Variants in SMG1 observed in about 807,000 individuals in gnomAD.
SMG1 encodes SMG1 nonsense mediated mRNA decay associated PI3K related kinase, also known as serine/threonine-protein kinase SMG1.
SMG1 carries 22 observed loss-of-function variants against 419.9 expected under a neutral mutation model. The observed-to-expected ratio is 0.05, with a 90% CI of 0.04 to 0.07. SMG1 has a LOEUF of 0.07. Among genes scored for constraint, SMG1 ranks in the 10% least tolerant of loss-of-function variants. The pLI is 1.00. For synonymous variants in SMG1, 1,538 were observed against 1,553.5 expected (o/e 0.99, Z 0.23); for missense variants, 3,185 against 4,342.0 (o/e 0.73, Z 7.49).
intron 56 of SMG1, among the ~76,000 whole-genome samples, chr16:18,818,705 G>A (rs368465097): frequency 1.8e-4 from 27 of 152,182 alleles, no homozygotes; most frequent in African/African-American, 5.1e-4. Context: ...CAGGTATGAA[G>A]TATGAGTATC....
chr16:18,819,315 C>CA (rs386384402), intron 56 of SMG1, among the ~76,000 whole-genome samples, 187 bp downstream of exon 56: 143 of 74,484 alleles, frequency 1.9e-3, no homozygotes, highest in Non-Finnish European at 3.7e-3. Context: ...GCAGTAAAGG[C>CA]CAAGGAAATA....
chr16:18,857,090 G>A (rs1596532511), intron 29 of SMG1: 1 of 152,180 alleles, frequency 6.6e-6, no homozygotes, highest in African/African-American at 2.4e-5. Flanking sequence ...GCAAACATCA[G>A]GCCAATGATC....
Position 18,915,113 on chromosome 16 carries a change from A to C in SMG1, c.92+10837T>G, listed in dbSNP as rs565137212. ...CAGCCTCCTGAATAGCTGGGACTACAGGTGTGTGCCACCATGCCCAGCTAA... is the reference window on the plus strand; with the variant it reads ...CAGCCTCCTGAATAGCTGGGACTACCGGTGTGTGCCACCATGCCCAGCTAA... On this transcript the variant is annotated intron_variant, in intron 1 of 62. Coordinates refer to ENST00000446231, the MANE Select transcript of SMG1 (RefSeq NM_015092.5). Among the ~76,000 whole-genome samples, 340 of 152,074 alleles carry C rather than the reference A, an allele frequency of 2.2e-3. 2 individuals are homozygous for C. The highest frequency in any genetic ancestry group is 3.1e-3 in the Non-Finnish European group (209 of 67,984).
At chr16:18,924,504 T>C (rs1051787242) in intron 1 of SMG1, among the ~76,000 whole-genome samples, 4 of 152,216 alleles carry the variant, frequency 2.6e-5, no homozygotes, top group African/African-American at 9.6e-5. Context: ...CCACCTAATT[T>C]GTTAGATGCC....
At chr16:18,904,932 C>CA (rs1024401900) in intron 1 of SMG1, among the ~76,000 whole-genome samples, 1 of 151,098 alleles carries the variant, frequency 6.6e-6, no homozygotes, top group Non-Finnish European at 1.5e-5. Flanking sequence ...GACTCCATCT[C>CA]AAAAAACAAT....
At chr16:18,871,292 A>G (rs2035802617) in intron 16 of SMG1, 72 bp downstream of exon 16, 4 of 673,154 alleles carry the variant, frequency 5.9e-6, no homozygotes, top group Admixed American at 3.5e-5. Context: ...ATTCATGACC[A>G]TCTCCCATTA....
chr16:18,817,407 A>T lies in SMG1; in HGVS notation c.9958T>A (p.Leu3320Ile). The T allele has an allele frequency of 1.9e-6, 3 of 1,603,752 alleles. No individual in the cohort carries two copies. The highest frequency in any genetic ancestry group is 2.6e-6 in the Non-Finnish European group (3 of 1,174,558). The change falls in exon 57 of 63, where the codon TTA (leucine) becomes ATA (isoleucine). Residue 3320 changes from leucine to isoleucine, a missense_variant. By Grantham distance (5) the Leu-to-Ile change is conservative (BLOSUM62 2). Transcript: ENST00000446231. ...TCAAATAACGCCGCATCCAGGTTTA[A>T]GGCTTCTGCAGTTCTTGTTCGTAAA... ...ESLRTRTAEALNLDAALFELI... is the reference protein window; with the variant it reads ...ESLRTRTAEAINLDAALFELI...
rs1267694126 is a variant in SMG1 at position 18,923,452 on chromosome 16, T to C, written c.92+2498A>G. 4.6e-5 allele frequency among the ~76,000 whole-genome samples: 7 copies of C among 152,230 alleles called. No homozygotes were observed. In the South Asian group the frequency reaches 8.3e-4, roughly 18 times the overall value. On this transcript the variant is annotated intron_variant, in intron 1 of 62. Transcript: ENST00000446231. The stretch of plus-strand genomic sequence containing the variant: ...CTGAGTCAGGAGTCCAAGAACAGGC[T>C]GGCCAACATGGTGGAATCCCGTCTC...
intron 39 of SMG1, among the ~76,000 whole-genome samples, chr16:18,844,769 T>A (rs916099522): frequency 1.3e-5 from 2 of 152,020 alleles, no homozygotes; most frequent in African/African-American, 4.8e-5. Flanking sequence ...GGAAATCAGT[T>A]AGGAGCAATA....
At chr16:18,910,907 CTGG>C (rs2037767793) in intron 1 of SMG1, among the ~76,000 whole-genome samples, 1 of 152,082 alleles carries the variant, frequency 6.6e-6, no homozygotes. Flanking sequence ...CATCGTTCAA[CTGG>C]TGTTCTTATA....
In SMG1 at chr16:18,841,717, G is replaced by A. The variant is rs374348815; in HGVS notation, c.6544C>T (p.Arg2182Cys). ...IVNTMFATIN[R>C]QETPRFHARH... ...GCATGGAACCGGGGTGTTTCTTGGC[G>A]ATTAATTGTAGCAAACATGGTATTC... is the stretch of plus-strand genomic sequence containing the variant. The change falls in exon 41 of 63, where the codon CGC becomes TGC. Residue 2182 changes from arginine (R) to cysteine (C), a missense_variant. Transcript: ENST00000446231. 41 of 1,613,802 alleles carry A rather than the reference G, an allele frequency of 2.5e-5. No individual in the cohort carries two copies. The highest frequency in any genetic ancestry group is 3.3e-5 in the Non-Finnish European group (39 of 1,179,884).
At chr16:18,868,826 C>T (rs1186468911) in intron 20 of SMG1, 107 bp from the exon 21 acceptor site, 1 of 616,680 alleles carries the variant, frequency 1.6e-6, no homozygotes, top group Middle Eastern at 4.4e-4. Context: ...CTCTGTCTAC[C>T]CATCATTTAA....
chr16:18,872,393 C>T (rs1401535625), intron 14 of SMG1, 48 bp from the exon 15 acceptor site: 3 of 1,495,600 alleles, frequency 2.0e-6, no homozygotes, highest in Admixed American at 2.5e-5. Flanking sequence ...TCAAAGAAAG[C>T]AAGCAAGTCC....
At chr16:18,835,604 T>G (rs1464134537) in intron 48 of SMG1, among the ~76,000 whole-genome samples, 1 of 152,036 alleles carries the variant, frequency 6.6e-6, no homozygotes, top group East Asian at 1.9e-4. Context: ...TTGCTTCCAC[T>G]CCCAATAAGA....
rs2034462792 is a variant in SMG1, at chr16:18,849,355, G to T, written c.5485C>A (p.Arg1829Ser). ...ACATACACTTCAGGGTGGTTTAAGC[G>T]TGAGAAAAGTTGCGGAATAATTCCT... is the stretch of plus-strand genomic sequence containing the variant. The part of the protein sequence containing the change: ...WRGIIPQLFS[R>S]LNHPEVYVRQ... Residue 1829 changes from arginine (R) to serine (S), a missense_variant, in exon 36 of 63, where the codon CGC (arginine) becomes AGC (serine). Arg to Ser is a moderately radical substitution (Grantham distance 110, BLOSUM62 -1). Around this residue, in one of 27 missense-constraint regions of SMG1, gnomAD observed 11 missense variants for 35.5 expected, o/e 0.31. Transcript: ENST00000446231. The T allele has an allele frequency of 6.2e-7, 1 of 1,612,118 alleles. No individual in the cohort carries two copies.
chr16:18,899,872 T>C (rs1324554520), intron 1 of SMG1: 5 of 673,026 alleles, frequency 7.4e-6, no homozygotes, highest in Non-Finnish European at 1.3e-5. Context: ...TTTAATATTC[T>C]AAAAATATCA....
At chr16:18,833,649 T>C (rs1028892832) in intron 50 of SMG1, among the ~76,000 whole-genome samples, 2 of 152,184 alleles carry the variant, frequency 1.3e-5, no homozygotes, top group African/African-American at 2.4e-5. Flanking sequence ...ACTTTGGTAC[T>C]TGCATACACT....
chr16:18,883,158 T>G (rs1178614149), intron 9 of SMG1, among the ~76,000 whole-genome samples: 1 of 152,076 alleles, frequency 6.6e-6, no homozygotes, highest in African/African-American at 2.4e-5. Flanking sequence ...GAGGCTAAAA[T>G]CTTTATGGGA....
intron 25 of SMG1, among the ~76,000 whole-genome samples, chr16:18,862,508 C>T (rs1467505568): frequency 2.6e-5 from 4 of 152,144 alleles, no homozygotes; most frequent in Admixed American, 2.0e-4. Flanking sequence ...AACAGCTTAC[C>T]CAACAATCTC....
Sources: allele counts gnomAD v4.1 joint callset (sites outside exome capture counted in the v4.1 genomes callset), GRCh38; gene constraint gnomAD v4.1.1; regional missense constraint gnomAD v4.1.1; transcripts MANE v1.5; gene names NCBI Gene and HGNC (gene_info 2026-07-23, HGNC 2026-07-21).